The following OSBPL8 variants were observed in gnomAD, a reference collection of about 807,000 sequenced individuals.
The protein encoded by OSBPL8 is oxysterol binding protein like 8.
In OSBPL8, 59 loss-of-function variants were observed where a neutral mutation model predicts 125.5. The ratio of observed to expected loss-of-function variants is 0.47; its 90% CI spans 0.38 to 0.58. The LOEUF (loss-of-function observed/expected upper bound fraction) is 0.58, where lower values mean the gene tolerates loss of function less well. OSBPL8 is among the 20% of genes least tolerant of loss of function. The probability of loss-of-function intolerance (pLI) is 0.00; values close to 1 mark genes in which losing one functional copy is unlikely to be tolerated. For synonymous variants in OSBPL8, 330 were observed against 338.9 expected (o/e 0.97, Z 0.29); for missense variants, 758 against 1,047.8 (o/e 0.72, Z 3.82).
chr12:76,360,740 G>C (rs1952170324), intron 21 of OSBPL8, among the ~76,000 whole-genome samples: 1 of 152,222 alleles, frequency 6.6e-6, no homozygotes, highest in Non-Finnish European at 1.5e-5. Context: ...TGCACCACAG[G>C]CTCAACACCA....
intron 1 of OSBPL8, among the ~76,000 whole-genome samples, chr12:76,504,580 A>G (rs970139866): frequency 5.3e-5 from 8 of 152,182 alleles, no homozygotes; most frequent in Non-Finnish European, 1.0e-4. Context: ...ATGACAATGA[A>G]AGGGATTCGA....
intron 1 of OSBPL8, among the ~76,000 whole-genome samples, chr12:76,530,025 C>A (rs1213205925): frequency 1.3e-5 from 2 of 152,058 alleles, no homozygotes; most frequent in Non-Finnish European, 2.9e-5. Context: ...TATGATATTC[C>A]TTTAACATGT....
intron 1 of OSBPL8, among the ~76,000 whole-genome samples, chr12:76,551,486 G>C (rs980278565): frequency 6.6e-6 from 1 of 152,172 alleles, no homozygotes; most frequent in Non-Finnish European, 1.5e-5. Flanking sequence ...AATATCAACA[G>C]AGTCAAGTTA....
chr12:76,533,150 T>C (rs956518374), intron 1 of OSBPL8, among the ~76,000 whole-genome samples: 22 of 152,216 alleles, frequency 1.4e-4, no homozygotes, highest in Admixed American at 1.4e-3. Context: ...TAAAACACCA[T>C]ATATCCTATC....
chr12:76,414,837 A>G (rs1565878223), intron 4 of OSBPL8, among the ~76,000 whole-genome samples: 1 of 152,212 alleles, frequency 6.6e-6, no homozygotes, highest in Non-Finnish European at 1.5e-5. Context: ...GGATTTCATC[A>G]AAACTTTTCC....
At chr12:76,444,472 G>A (rs1321146023) in intron 4 of OSBPL8, among the ~76,000 whole-genome samples, 1 of 152,162 alleles carries the variant, frequency 6.6e-6, no homozygotes, top group Non-Finnish European at 1.5e-5. Context: ...GGATAAGCAA[G>A]TAGAAAGGAG....
intron 2 of OSBPL8, among the ~76,000 whole-genome samples, chr12:76,485,690 A>C (rs1015159742): frequency 2.0e-5 from 3 of 152,232 alleles, no homozygotes; most frequent in Admixed American, 6.5e-5. Flanking sequence ...TCTTAGTAGT[A>C]AAGTATTCAG....
At chr12:76,386,437 T>C in intron 13 of OSBPL8, 142 bp downstream of exon 13, 2 of 1,275,768 alleles carry the variant, frequency 1.6e-6, no homozygotes, top group Admixed American at 3.0e-5. Context: ...ATAATACATG[T>C]CTAAATGATC....
chr12:76,423,051 A>G (rs967121580), intron 4 of OSBPL8: 1 of 156,704 alleles, frequency 6.4e-6, no homozygotes, highest in Non-Finnish European at 1.4e-5. Flanking sequence ...CTTTTATCAT[A>G]TCCATTATGT....
intron 19 of OSBPL8, 42 bp downstream of exon 19, chr12:76,371,404 ACT>A (rs763714824): frequency 4.4e-5 from 67 of 1,508,230 alleles, no homozygotes; most frequent in Middle Eastern, 1.8e-4. Flanking sequence ...TTGAAAAACT[ACT>A]CTCTGATCCT....
chr12:76,434,847 A>G (rs554824045), intron 4 of OSBPL8, among the ~76,000 whole-genome samples: 1 of 152,336 alleles, frequency 6.6e-6, no homozygotes, highest in South Asian at 2.1e-4. Context: ...GGCCATTATC[A>G]ATAAAACGTA....
intron 1 of OSBPL8, among the ~76,000 whole-genome samples, chr12:76,489,835 T>C (rs1878527673): frequency 6.6e-6 from 1 of 152,242 alleles, no homozygotes; most frequent in African/African-American, 2.4e-5. Flanking sequence ...GTGATTCCTC[T>C]GATGGATCTG....
intron 10 of OSBPL8, among the ~76,000 whole-genome samples, 183 bp downstream of exon 10, chr12:76,392,398 A>C (rs1953600432): frequency 7.0e-6 from 1 of 142,670 alleles, no homozygotes; most frequent in Non-Finnish European, 1.5e-5. Flanking sequence ...GGAATCAAGG[A>C]AATACATTTC....
intron 4 of OSBPL8, among the ~76,000 whole-genome samples, chr12:76,419,548 C>T (rs187075004): frequency 3.0e-4 from 46 of 152,272 alleles, no homozygotes; most frequent in Admixed American, 2.8e-3. Context: ...TACTTAACTT[C>T]CAATGGTTCA....
At chr12:76,358,846 C>T (rs1952091364) in intron 21 of OSBPL8, 35 bp from the exon 22 acceptor site, 2 of 1,560,362 alleles carry the variant, frequency 1.3e-6, no homozygotes, top group African/African-American at 2.7e-5. Context: ...TGAATTTGCA[C>T]TGTATTTTGG....
intron 1 of OSBPL8, among the ~76,000 whole-genome samples, chr12:76,541,205 G>A (rs1046545429): frequency 6.6e-6 from 1 of 152,132 alleles, no homozygotes; most frequent in African/African-American, 2.4e-5. Context: ...GTGGTCAGGC[G>A]CGGTGGCTCA....
intron 3 of OSBPL8, among the ~76,000 whole-genome samples, chr12:76,453,635 G>A (rs775499697): frequency 6.6e-6 from 1 of 152,040 alleles, no homozygotes; most frequent in African/African-American, 2.4e-5. Context: ...TTTAGAATAA[G>A]AGAATATCTT....
intron 12 of OSBPL8, among the ~76,000 whole-genome samples, chr12:76,388,651 GT>G (rs1305233036): frequency 6.6e-6 from 1 of 152,060 alleles, no homozygotes; most frequent in Non-Finnish European, 1.5e-5. Context: ...TTTGCATGAG[GT>G]TTTTACATGT....
At chr12:76,512,633 TG>T (rs1397701858) in intron 1 of OSBPL8, among the ~76,000 whole-genome samples, 5 of 152,230 alleles carry the variant, frequency 3.3e-5, no homozygotes, top group African/African-American at 1.2e-4. Flanking sequence ...CCTCCAGCTT[TG>T]TTCTTTTTGC....
Sources: allele counts gnomAD v4.1 joint callset (sites outside exome capture counted in the v4.1 genomes callset), GRCh38; gene constraint gnomAD v4.1.1; transcripts MANE v1.5; gene names NCBI Gene and HGNC (gene_info 2026-07-23, HGNC 2026-07-21).